Variants in PLK5 observed in about 807,000 individuals in gnomAD.
PLK5 encodes the protein polo like kinase 5 (inactive), also known as inactive serine/threonine-protein kinase PLK5.
Under a neutral mutation model 33.7 loss-of-function variants are expected in PLK5, and 28 were observed. The ratio of observed to expected loss-of-function variants is 0.83; its 90% CI spans 0.62 to 1.14. The LOEUF is 1.14. PLK5 is among the 50% of genes most tolerant of loss of function. The probability of loss-of-function intolerance (pLI) is 0.00; values close to 1 mark genes in which losing one functional copy is unlikely to be tolerated. For missense variants in PLK5, 492 were observed against 461.5 expected (o/e 1.07, Z -0.61); for synonymous variants, 225 against 202.2 (o/e 1.11, Z -0.96).
chr19:1,530,680 C>T (rs1254276075), intron 11 of PLK5, among the ~76,000 whole-genome samples: 2 of 121,156 alleles, frequency 1.7e-5, no homozygotes, highest in Non-Finnish European at 3.2e-5. Flanking sequence ...AGTGCTGTGG[C>T]GTGATCTCGG....
In PLK5 at chr19:1,531,732, G is replaced by A. The variant is rs1913934215; in HGVS notation, c.569-6G>A. The A allele has an allele frequency of 2.0e-6, 3 of 1,536,478 alleles. No individual in the cohort carries two copies. The highest frequency in any genetic ancestry group is 2.6e-6 in the Non-Finnish European group (3 of 1,147,148). Reference sequence around the variant, plus strand: ...CCTGGCTCAGCATACCTTTGTTTGTGCCCAGCCACACAGGACCCCCTGGGA... The same window carrying A: ...CCTGGCTCAGCATACCTTTGTTTGTACCCAGCCACACAGGACCCCCTGGGA... On this transcript the variant is annotated splice_polypyrimidine_tract_variant and splice_region_variant and intron_variant, in intron 11 of 13. Coordinates refer to ENST00000454744, the MANE Select transcript of PLK5 (RefSeq NM_001243079.2).
chr19:1,531,681 G>T (rs1913932438), intron 11 of PLK5, 57 bp from the exon 12 acceptor site: 1 of 1,514,272 alleles, frequency 6.6e-7, no homozygotes, highest in Non-Finnish European at 8.8e-7. Flanking sequence ...TTTATTGAGT[G>T]CCTACTATAT....
At chr19:1,529,705 G>T in intron 10 of PLK5, 42 bp from the exon 11 acceptor site, 1 of 1,530,842 alleles carries the variant, frequency 6.5e-7, no homozygotes, top group Non-Finnish European at 8.8e-7. Context: ...CCTGGTGGTG[G>T]GAACCCAGAC....
rs1913875852 is a variant in PLK5 at position 1,529,819 on chromosome 19, C to T, written c.563C>T (p.Pro188Leu). The T allele has an allele frequency of 1.5e-5, 23 of 1,535,666 alleles. No individual in the cohort carries two copies. Among genetic ancestry groups the T allele is most frequent in the Non-Finnish European group, 2.0e-5 (23 of 1,146,750 alleles). ...RHLQLCLDVG[P>L]PATQDPLGEQ... ...CTGCAGCTGTGCCTGGATGTAGGCCCCCCGGGTAGGAGCCGGCCCAGCCCC... is the reference window on the plus strand; with the variant it reads ...CTGCAGCTGTGCCTGGATGTAGGCCTCCCGGGTAGGAGCCGGCCCAGCCCC... Residue 188 changes from proline (P) to leucine (L), a missense_variant, in exon 11 of 14, where the codon CCC (proline) becomes CTC (leucine). Pro to Leu is a moderately conservative substitution (Grantham distance 98, BLOSUM62 -3). Transcript: ENST00000454744.
At chr19:1,534,986 T>C in intron 13 of PLK5, 79 bp from the exon 14 acceptor site, 1 of 1,311,576 alleles carries the variant, frequency 7.6e-7, no homozygotes, top group Non-Finnish European at 1.0e-6. Context: ...CAGTGTCCAC[T>C]TGTCCTTCTG....
chr19:1,535,343 G>A lies in PLK5; in HGVS notation c.*93G>A. 2 of 1,368,868 alleles carry A rather than the reference G, an allele frequency of 1.5e-6. No individual in the cohort carries two copies. Among genetic ancestry groups the A allele is most frequent in the Admixed American group, 2.8e-5 (1 of 36,292 alleles). The allele number at this position is 1,368,868 out of a possible 1,614,324, so 84.8% of individuals were successfully genotyped here. A position where few individuals can be genotyped will look rare whatever the true frequency, so the allele number is the denominator to read the frequency against. Reference sequence around the variant, plus strand: ...GTGGCTCCCCCAGAGGGGCTGTCCTGGGGGAGGGCTGGGGGGCACACGGGA... The same window carrying A: ...GTGGCTCCCCCAGAGGGGCTGTCCTAGGGGAGGGCTGGGGGGCACACGGGA... On this transcript the variant is annotated 3_prime_UTR_variant, in exon 14 of 14. Transcript: ENST00000454744.
intron 12 of PLK5, among the ~76,000 whole-genome samples, chr19:1,532,521 C>CTTTT (rs10545181): frequency 8.4e-6 from 1 of 118,802 alleles, no homozygotes; most frequent in Non-Finnish European, 1.8e-5. Flanking sequence ...AAATTTTCTT[C>CTTTT]TTTTTTTTTT....
Position 1,526,972 on chromosome 19 carries a change from GGACA to G in PLK5, c.-24_-21del, listed in dbSNP as rs1180688402. Reference sequence around the variant, plus strand: ...CCAGAAACGGTCACTCCTGCCAGTAGGACATCTGGGCTCTGGGCTGCATCATGTG... The same window carrying G: ...CCAGAAACGGTCACTCCTGCCAGTAGTCTGGGCTCTGGGCTGCATCATGTG... On this transcript the variant is annotated 5_prime_UTR_variant, in exon 6 of 14. Transcript: ENST00000454744. 1.1e-5 allele frequency: 17 copies of G among 1,535,376 alleles called. No homozygotes were observed. The South Asian group carries it at 2.0e-4, about 18-fold the overall frequency.
intron 13 of PLK5, 60 bp downstream of exon 13, chr19:1,534,101 T>C (rs1914016074): frequency 9.7e-6 from 13 of 1,333,934 alleles, no homozygotes; most frequent in Middle Eastern, 1.8e-4. Context: ...CTGGCCTGCC[T>C]GGGCTGTTAC....
At position 1,531,890 on chromosome 19, in the gene PLK5, T is replaced by G. The variant is rs1485990870; in HGVS notation, c.714+7T>G. 2 of 1,472,030 alleles carry G rather than the reference T, an allele frequency of 1.4e-6. No individual in the cohort carries two copies. The highest frequency in any genetic ancestry group is 9.0e-7 in the Non-Finnish European group (1 of 1,116,974). The allele number at this position is 1,472,030 out of a possible 1,614,324, so 91.2% of individuals were successfully genotyped here. On this transcript the variant is annotated splice_region_variant and intron_variant, in intron 12 of 13. Coordinates refer to ENST00000454744, the MANE Select transcript of PLK5 (RefSeq NM_001243079.2). ...CCCTGCGACCCCCCGGAGGGTAAGTTGTGGCCTCCTGTGCCCTGGGGGACC... is the reference window on the plus strand; with the variant it reads ...CCCTGCGACCCCCCGGAGGGTAAGTGGTGGCCTCCTGTGCCCTGGGGGACC...
chr19:1,535,223 C>G lies in PLK5; in HGVS notation c.984C>G (p.His328Gln), dbSNP rs750818336. 6.5e-7 allele frequency: 1 copy of G among 1,535,830 alleles called. No homozygotes were observed. The highest frequency in any genetic ancestry group is 2.0e-5 in the Admixed American group (1 of 50,924). Reference protein sequence around the residue: ...CAPTTGQHLHHALRMLQSI With the variant: ...CAPTTGQHLHQALRMLQSI ...CCACCACCGGACAGCACCTTCACCA[C>G]GCCCTCCGCATGCTGCAGAGTATCT... Residue 328 changes from histidine to glutamine, a missense_variant, in exon 14 of 14, where the codon CAC becomes CAG. His to Gln is a conservative substitution (Grantham distance 24). Transcript: ENST00000454744.
intron 11 of PLK5, 79 bp downstream of exon 11, chr19:1,529,903 C>T: frequency 7.1e-7 from 1 of 1,412,230 alleles, no homozygotes; most frequent in East Asian, 2.5e-5. Context: ...ATCCTGGGCC[C>T]TCCTGGGTAT....
Position 1,533,994 on chromosome 19 carries a change from G to C in PLK5, c.778G>C (p.Ala260Pro). ...CGGCCTCTGCCTCCTGCGCTTCCTG[G>C]CCTCTGAGCACGCCCTGCTGCTGCT... ...GPGLCLLRFL[A>P]SEHALLLLFS... Residue 260 changes from alanine to proline, a missense_variant, in exon 13 of 14, where the codon GCC becomes CCC. Physicochemically the swap from Ala to Pro is conservative, Grantham distance 27. Transcript: ENST00000454744. The C allele has an allele frequency of 6.5e-7, 1 of 1,535,484 alleles. No homozygotes were observed. Among genetic ancestry groups the C allele is most frequent in the Non-Finnish European group, 8.7e-7 (1 of 1,146,784 alleles).
chr19:1,532,028 G>C, intron 12 of PLK5, 145 bp downstream of exon 12: 3 of 951,252 alleles, frequency 3.2e-6, no homozygotes, highest in Non-Finnish European at 4.3e-6. Flanking sequence ...AAACGAATCA[G>C]CAAGTGCGTT....
chr19:1,527,069 C>G, intron 6 of PLK5, 71 bp downstream of exon 6: 1 of 1,403,514 alleles, frequency 7.1e-7, no homozygotes. Flanking sequence ...GGAGCCTGCA[C>G]GGAACAGGTG....
At chr19:1,532,114 G>A (rs570121223) in intron 12 of PLK5, among the ~76,000 whole-genome samples, 8 of 152,302 alleles carry the variant, frequency 5.3e-5, no homozygotes, top group Admixed American at 1.3e-4. Flanking sequence ...AGGGGGAAGG[G>A]GAAGGGGTCT....
At position 1,531,726 on chromosome 19, in the gene PLK5, G is replaced by A; in HGVS notation, c.569-12G>A. The A allele has an allele frequency of 6.5e-7, 1 of 1,536,694 alleles. No individual in the cohort carries two copies. The highest frequency in any genetic ancestry group is 8.7e-7 in the Non-Finnish European group (1 of 1,147,170). Reference sequence around the variant, plus strand: ...CTGACCCCTGGCTCAGCATACCTTTGTTTGTGCCCAGCCACACAGGACCCC... The same window carrying A: ...CTGACCCCTGGCTCAGCATACCTTTATTTGTGCCCAGCCACACAGGACCCC... On this transcript the variant is annotated splice_polypyrimidine_tract_variant and intron_variant, in intron 11 of 13. Coordinates refer to ENST00000454744, the MANE Select transcript of PLK5 (RefSeq NM_001243079.2).
At chr19:1,529,029 C>T (rs1243821125) in intron 9 of PLK5, 55 bp downstream of exon 9, 59 of 1,392,456 alleles carry the variant, frequency 4.2e-5, no homozygotes, top group Non-Finnish European at 5.2e-5. Flanking sequence ...CATGCTGGCC[C>T]CTGCTAAAAC....
rs1263522664 is a variant in PLK5, at chr19:1,534,235, A to G, written c.825+194A>G. 2.0e-5 allele frequency among the ~76,000 whole-genome samples: 3 copies of G among 151,736 alleles called. No homozygotes were observed. The East Asian group carries it at 5.8e-4, about 29-fold the overall frequency. ...AATGCATGACGTTTTTGGGCCAGGCACTGTGGTCCACACCTCTAATCCCAG... is the reference window on the plus strand; with the variant it reads ...AATGCATGACGTTTTTGGGCCAGGCGCTGTGGTCCACACCTCTAATCCCAG... On this transcript the variant is annotated intron_variant, in intron 13 of 13. Coordinates refer to ENST00000454744, the MANE Select transcript of PLK5 (RefSeq NM_001243079.2).
Sources: gnomAD v4.1 joint callset for allele counts (sites outside exome capture counted in the v4.1 genomes callset) on GRCh38, gnomAD v4.1.1 for gene constraint, MANE v1.5 for transcripts, NCBI Gene and HGNC (gene_info 2026-07-23, HGNC 2026-07-21) for gene names.